The following AUTS2 variants were observed in gnomAD, a reference collection of about 807,000 sequenced individuals.
AUTS2 encodes the protein autism susceptibility gene 2 protein.
Under a neutral mutation model 112.4 loss-of-function variants are expected in AUTS2, and 17 were observed. The observed-to-expected ratio is 0.15, with a 90% CI of 0.10 to 0.23. The LOEUF (loss-of-function observed/expected upper bound fraction) is 0.23, where lower values mean the gene tolerates loss of function less well. Ranked by LOEUF, AUTS2 falls within the 10% of genes least tolerant of loss-of-function variation. The pLI is 1.00. For synonymous variants in AUTS2, 751 were observed against 702.7 expected (o/e 1.07, Z -1.09); for missense variants, 1,510 against 1,701.6 (o/e 0.89, Z 1.98).
chr7:70,178,313 T>C (rs1809104880), intron 4 of AUTS2, among the ~76,000 whole-genome samples: 1 of 152,164 alleles, frequency 6.6e-6, no homozygotes, highest in African/African-American at 2.4e-5. Context: ...TACTTTTTTT[T>C]TTCAGTGAAA....
At chr7:69,995,327 T>G (rs775860216) in intron 2 of AUTS2, among the ~76,000 whole-genome samples, 3 of 152,216 alleles carry the variant, frequency 2.0e-5, no homozygotes, top group Non-Finnish European at 4.4e-5. Context: ...CATGAATGAA[T>G]AATAATTTCT....
chr7:70,303,434 G>GCGCACACACA (rs1241517255), intron 4 of AUTS2, among the ~76,000 whole-genome samples: 3,012 of 141,956 alleles, frequency 0.021, 49 homozygotes, highest in Middle Eastern at 0.033. Context: ...GCGCGCGCGC[G>GCGCACACACA]CACATACACA....
At chr7:69,973,232 A>G (rs1382140222) in intron 2 of AUTS2, among the ~76,000 whole-genome samples, 1 of 152,194 alleles carries the variant, frequency 6.6e-6, no homozygotes, top group Admixed American at 6.5e-5. Context: ...TTTTACATGC[A>G]TATTGTTAGT....
At chr7:69,687,475 C>T (rs1230635816) in intron 1 of AUTS2, among the ~76,000 whole-genome samples, 1 of 152,140 alleles carries the variant, frequency 6.6e-6, no homozygotes, top group African/African-American at 2.4e-5. Flanking sequence ...TTTATTAATA[C>T]AGGTTTTTAG....
At chr7:70,122,170 C>G (rs573120177) in intron 3 of AUTS2, among the ~76,000 whole-genome samples, 30 of 152,016 alleles carry the variant, frequency 2.0e-4, no homozygotes, top group Non-Finnish European at 4.0e-4. Flanking sequence ...TAGAACTTAC[C>G]AGGAATTTGG....
At chr7:70,354,112 C>G (rs910828080) in intron 4 of AUTS2, among the ~76,000 whole-genome samples, 2 of 152,344 alleles carry the variant, frequency 1.3e-5, no homozygotes, top group Admixed American at 6.5e-5. Context: ...ATCTTTCTAG[C>G]AGATTTAAGT....
Position 70,132,259 on chromosome 7 carries a change from A to G in AUTS2, c.625-2277A>G, listed in dbSNP as rs148819681. Among the ~76,000 whole-genome samples the G allele has an allele frequency of 2.6e-5, 4 of 151,944 alleles. No individual in the cohort carries two copies. The East Asian group carries it at 7.7e-4, about 29-fold the overall frequency. ...CTGTATGCTTTCTAGCAAATGCTGA[A>G]ACAAATTCCAGTGGACCTTTAATGT... On this transcript the variant is annotated intron_variant, in intron 3 of 18. Transcript: ENST00000342771.
At chr7:70,756,939 G>GA (rs1306958210) in intron 6 of AUTS2, among the ~76,000 whole-genome samples, 2 of 152,244 alleles carry the variant, frequency 1.3e-5, no homozygotes, top group Non-Finnish European at 2.9e-5. Context: ...GAAGTGCATT[G>GA]AGATGTTGTC....
intron 1 of AUTS2, among the ~76,000 whole-genome samples, chr7:69,803,912 G>T (rs1790191394): frequency 6.6e-6 from 1 of 152,158 alleles, no homozygotes; most frequent in Non-Finnish European, 1.5e-5. Context: ...GGCACCTGTG[G>T]TTCCAGCTAC....
In AUTS2 at chr7:69,626,637, A is replaced by C. The variant is rs183559888; in HGVS notation, c.309+26675A>C. On this transcript the variant is annotated intron_variant, in intron 1 of 18. Transcript: ENST00000342771. ...ATTCTAGGCCTATCAGAGGTGCTCAAAGTATCAAGTGAACAAGCTGAAAGA... is the reference window on the plus strand; with the variant it reads ...ATTCTAGGCCTATCAGAGGTGCTCACAGTATCAAGTGAACAAGCTGAAAGA... 2.6e-4 allele frequency among the ~76,000 whole-genome samples: 40 copies of C among 152,328 alleles called. No homozygotes were observed. In the East Asian group the frequency reaches 7.7e-3, roughly 29 times the overall value.
chr7:69,820,602 T>C (rs117136871), intron 1 of AUTS2, among the ~76,000 whole-genome samples: 7,770 of 152,308 alleles, frequency 0.051, 251 homozygotes, highest in Non-Finnish European at 0.071. Context: ...GAGAATAAGG[T>C]GCTTTATAGC....
chr7:69,627,074 A>C (rs143173540), intron 1 of AUTS2, among the ~76,000 whole-genome samples: 1 of 152,352 alleles, frequency 6.6e-6, no homozygotes, highest in East Asian at 1.9e-4. Flanking sequence ...CATTTGTTTC[A>C]TTCATTCATT....
intron 5 of AUTS2, among the ~76,000 whole-genome samples, chr7:70,591,448 G>T (rs1802941813): frequency 6.6e-6 from 1 of 152,118 alleles, no homozygotes; most frequent in Non-Finnish European, 1.5e-5. Context: ...CCCCAGGCTG[G>T]AGTGCAGTGG....
At chr7:70,214,755 A>T (rs1435379646) in intron 4 of AUTS2, among the ~76,000 whole-genome samples, 1 of 152,186 alleles carries the variant, frequency 6.6e-6, no homozygotes, top group Non-Finnish European at 1.5e-5. Flanking sequence ...TTGGATCTGT[A>T]TATTTGGCTT....
intron 5 of AUTS2, among the ~76,000 whole-genome samples, chr7:70,634,428 C>T (rs1441999428): frequency 6.6e-6 from 1 of 152,196 alleles, no homozygotes; most frequent in Non-Finnish European, 1.5e-5. Context: ...TTTCATCCCC[C>T]ATTTGCTGTT....
At chr7:70,372,348 T>C (rs1792876170) in intron 4 of AUTS2, among the ~76,000 whole-genome samples, 1 of 152,222 alleles carries the variant, frequency 6.6e-6, no homozygotes, top group African/African-American at 2.4e-5. Context: ...AGTACTTTTT[T>C]AGGGAACCCG....
chr7:70,691,802 A>G (rs1290431790), intron 5 of AUTS2, among the ~76,000 whole-genome samples: 1 of 152,014 alleles, frequency 6.6e-6, no homozygotes, highest in African/African-American at 2.4e-5. Flanking sequence ...GAGATCATCA[A>G]AAGATCTGGA....
chr7:70,728,268 T>C (rs1483475253), intron 6 of AUTS2, among the ~76,000 whole-genome samples: 1 of 152,226 alleles, frequency 6.6e-6, no homozygotes, highest in Non-Finnish European at 1.5e-5. Flanking sequence ...TTTTAAATGC[T>C]TTATGCCAGC....
chr7:70,762,833 A>G, intron 6 of AUTS2, 37 bp from the exon 7 acceptor site: 1 of 1,453,354 alleles, frequency 6.9e-7, no homozygotes, highest in South Asian at 1.1e-5. Context: ...CTCGCATGTC[A>G]TTGCCTGTGG....
Sources: allele counts gnomAD v4.1 joint callset (sites outside exome capture counted in the v4.1 genomes callset), GRCh38; gene constraint gnomAD v4.1.1; transcripts MANE v1.5; gene names NCBI Gene and HGNC (gene_info 2026-07-23, HGNC 2026-07-21).